PXDNL: variants seen among roughly 807,000 people sequenced by gnomAD.
PXDNL encodes the protein peroxidasin like, also known as probable oxidoreductase PXDNL.
In PXDNL, 145 loss-of-function variants were observed where a neutral mutation model predicts 150.8. That is an observed-to-expected ratio of 0.96 (90% CI 0.84 to 1.10). The LOEUF (loss-of-function observed/expected upper bound fraction) is 1.10, where lower values mean the gene tolerates loss of function less well. PXDNL is among the 50% of genes least tolerant of loss of function. The pLI, the probability that PXDNL is intolerant of heterozygous loss-of-function variation, is 0.00. For missense variants in PXDNL, 2,087 were observed against 1,873.9 expected, an observed-to-expected ratio of 1.11 and a Z score of -2.10; for synonymous variants, 757 against 725.7, an observed-to-expected ratio of 1.04 and a Z score of -0.69.
At chr8:51,589,796 T>TA (rs1315313206) in intron 3 of PXDNL, among the ~76,000 whole-genome samples, 1 of 152,046 alleles carries the variant, frequency 6.6e-6, no homozygotes, top group Non-Finnish European at 1.5e-5. Context: ...AATTAAAAGG[T>TA]AAAAAACAGA....
chr8:51,798,310 C>T (rs1260762096), intron 1 of PXDNL, among the ~76,000 whole-genome samples: 1 of 152,076 alleles, frequency 6.6e-6, no homozygotes, highest in Non-Finnish European at 1.5e-5. Context: ...AAAGCAATTG[C>T]AACAAAAGCA....
chr8:51,573,322 G>A (rs776450113), intron 3 of PXDNL, among the ~76,000 whole-genome samples: 21 of 151,856 alleles, frequency 1.4e-4, no homozygotes, highest in African/African-American at 2.2e-4. Context: ...AATGAAACCC[G>A]CTCTGGTATC....
At chr8:51,678,954 A>G (rs1000759894) in intron 1 of PXDNL, among the ~76,000 whole-genome samples, 2 of 152,210 alleles carry the variant, frequency 1.3e-5, no homozygotes, top group Non-Finnish European at 2.9e-5. Context: ...CATACCTACC[A>G]CATGCCTGAC....
intron 1 of PXDNL, among the ~76,000 whole-genome samples, chr8:51,669,149 C>G (rs963787130): frequency 4.6e-5 from 7 of 152,114 alleles, no homozygotes; most frequent in African/African-American, 1.7e-4. Context: ...ATTATTTCAA[C>G]ATTATGCTGA....
intron 1 of PXDNL, among the ~76,000 whole-genome samples, chr8:51,675,651 GGTGCA>G (rs1003905064): frequency 1.3e-5 from 2 of 151,762 alleles, no homozygotes; most frequent in African/African-American, 4.8e-5. Flanking sequence ...AAATTAGCTG[GGTGCA>G]GTGACATGTG....
intron 14 of PXDNL, among the ~76,000 whole-genome samples, chr8:51,414,645 C>CA (rs1407687786): frequency 4.6e-5 from 7 of 151,868 alleles, no homozygotes; most frequent in African/African-American, 1.7e-4. Flanking sequence ...GAAAAAAAGA[C>CA]AAAAATTGAT....
chr8:51,747,136 T>C (rs1190969635), intron 1 of PXDNL, among the ~76,000 whole-genome samples: 1 of 152,224 alleles, frequency 6.6e-6, no homozygotes, highest in African/African-American at 2.4e-5. Flanking sequence ...TGATGGAGTT[T>C]TGTTTGTCGA....
intron 3 of PXDNL, among the ~76,000 whole-genome samples, chr8:51,571,476 C>A (rs28435347): frequency 0.077 from 11,753 of 151,774 alleles, 760 homozygotes; most frequent in East Asian, 0.24. Context: ...CTGATGATGT[C>A]ATTTTGAGAG....
chr8:51,783,952 T>C (rs1406303804), intron 1 of PXDNL, among the ~76,000 whole-genome samples: 3 of 152,240 alleles, frequency 2.0e-5, no homozygotes, highest in East Asian at 1.9e-4. Flanking sequence ...AAAGTCATGA[T>C]TGTTCATGTC....
intron 21 of PXDNL, among the ~76,000 whole-genome samples, chr8:51,324,199 G>T (rs1369570081): frequency 6.6e-6 from 1 of 152,146 alleles, no homozygotes; most frequent in Non-Finnish European, 1.5e-5. Flanking sequence ...GATTCCTTGA[G>T]ATTTTCTATG....
intron 1 of PXDNL, among the ~76,000 whole-genome samples, chr8:51,666,929 T>C (rs1193782112): frequency 6.6e-6 from 1 of 152,180 alleles, no homozygotes; most frequent in Admixed American, 6.5e-5. Flanking sequence ...AGGCTAACCA[T>C]AGCTGCCTGT....
intron 17 of PXDNL, among the ~76,000 whole-genome samples, chr8:51,389,725 T>G (rs1807832254): frequency 6.6e-6 from 1 of 152,236 alleles, no homozygotes; most frequent in Non-Finnish European, 1.5e-5. Flanking sequence ...TTAAAGCCAT[T>G]CTTTATAGTT....
Position 51,412,852 on chromosome 8 carries a change from C to A in PXDNL, c.1904+298G>T, listed in dbSNP as rs994743877. Among the ~76,000 whole-genome samples the A allele has an allele frequency of 2.0e-5, 3 of 152,332 alleles. No individual in the cohort carries two copies. The East Asian group carries it at 5.8e-4, about 29-fold the overall frequency. On this transcript the variant is annotated intron_variant, in intron 15 of 22. Transcript: ENST00000356297. Reference sequence around the variant, plus strand: ...CAATTCACACATTGCAGGAGCACTGCATCTGACACTGTTTGGTGGATGCTG... The same window carrying A: ...CAATTCACACATTGCAGGAGCACTGAATCTGACACTGTTTGGTGGATGCTG...
chr8:51,566,827 G>A (rs977986278), intron 3 of PXDNL, among the ~76,000 whole-genome samples: 74 of 150,778 alleles, frequency 4.9e-4, no homozygotes, highest in Admixed American at 2.1e-3. Context: ...TCTTCTGCTT[G>A]TTTAATTTTA....
chr8:51,719,768 C>T (rs947164942), intron 1 of PXDNL, among the ~76,000 whole-genome samples: 1 of 152,022 alleles, frequency 6.6e-6, no homozygotes, highest in African/African-American at 2.4e-5. Flanking sequence ...TCCACATCTT[C>T]CTGGATTGGA....
At position 51,608,054 on chromosome 8, in the gene PXDNL, AAAGCAAGCAAGCAAGC is replaced by A. The variant is rs755666717; in HGVS notation, c.237-15372_237-15357del. 4.9e-3 allele frequency among the ~76,000 whole-genome samples: 545 copies of A among 111,612 alleles called. 43 individuals are homozygous for A. Among genetic ancestry groups the A allele is most frequent in the African/African-American group, 0.015 (354 of 23,514 alleles). The allele number at this position is 111,612 out of a possible 152,430, so 73.2% of individuals were successfully genotyped here. On this transcript the variant is annotated intron_variant, in intron 2 of 22. Coordinates refer to ENST00000356297, the MANE Select transcript of PXDNL (RefSeq NM_144651.5). ...GAAAGAAAGAAAGAAAGAAAGAAAG[AAAGCAAGCAAGCAAGC>A]AAGCAAGCAAGCAAGCAAGCAAGCA... is the stretch of plus-strand genomic sequence containing the variant.
chr8:51,378,573 A>C (rs1296647399), intron 17 of PXDNL, among the ~76,000 whole-genome samples: 1 of 152,060 alleles, frequency 6.6e-6, no homozygotes, highest in Non-Finnish European at 1.5e-5. Flanking sequence ...GTACCATTCC[A>C]CTCTGTGGAA....
intron 2 of PXDNL, among the ~76,000 whole-genome samples, chr8:51,625,860 C>T (rs994899203): frequency 6.6e-6 from 1 of 152,038 alleles, no homozygotes; most frequent in African/African-American, 2.4e-5. Context: ...TCTCTCTTTC[C>T]TCTTCTTCAT....
intron 17 of PXDNL, among the ~76,000 whole-genome samples, chr8:51,404,811 GC>G (rs1808389162): frequency 6.6e-6 from 1 of 152,226 alleles, no homozygotes; most frequent in Non-Finnish European, 1.5e-5. Context: ...CCAGTCCCAC[GC>G]AGTGCGCCGG....
Sources: allele counts gnomAD v4.1 joint callset (sites outside exome capture counted in the v4.1 genomes callset), GRCh38; gene constraint gnomAD v4.1.1; transcripts MANE v1.5; gene names NCBI Gene and HGNC (gene_info 2026-07-23, HGNC 2026-07-21).